PCDH15: variants seen among roughly 807,000 people sequenced by gnomAD.
PCDH15 encodes the protein protocadherin-15.
Under a neutral mutation model 178.5 loss-of-function variants are expected in PCDH15, and 129 were observed. That is an observed-to-expected ratio of 0.72 (90% CI 0.63 to 0.84). The LOEUF (loss-of-function observed/expected upper bound fraction) is 0.84. Ranked by LOEUF, PCDH15 falls within the 40% of genes least tolerant of loss-of-function variation. PCDH15 has a pLI of 0.00. For synonymous variants in PCDH15, 800 were observed against 732.0 expected, an observed-to-expected ratio of 1.09 and a Z score of -1.50; for missense variants, 2,230 against 2,099.9, an observed-to-expected ratio of 1.06 and a Z score of -1.21.
chr10:54,157,474 C>A (rs1052794965), intron 13 of PCDH15, among the ~76,000 whole-genome samples: 3 of 152,150 alleles, frequency 2.0e-5, no homozygotes, highest in Non-Finnish European at 4.4e-5. Context: ...CACAGGACAC[C>A]AAGTCCCTAG....
At chr10:55,587,679 A>G (rs1397443557) in intron 2 of PCDH15, among the ~76,000 whole-genome samples, 2 of 152,224 alleles carry the variant, frequency 1.3e-5, no homozygotes, top group Non-Finnish European at 2.9e-5. Flanking sequence ...AAGAATACAT[A>G]TTACAATGGT....
rs574318150 is a variant in PCDH15, at chr10:55,032,280, C to T, written c.-80+134296G>A. ...GTGGCAAAGGCTAGGCTGTCTGTGT[C>T]CTAGGACTTTGTGAAAGGCAGCACT... is the stretch of plus-strand genomic sequence containing the variant. On this transcript the variant is annotated intron_variant, in intron 2 of 5. Coordinates refer to the PCDH15 transcript ENST00000458638. Among the ~76,000 whole-genome samples the T allele has an allele frequency of 3.3e-5, 5 of 152,216 alleles. No individual in the cohort carries two copies. The South Asian group carries it at 1.0e-3, about 32-fold the overall frequency.
intron 17 of PCDH15, among the ~76,000 whole-genome samples, chr10:54,071,721 A>T (rs113324178): frequency 3.3e-4 from 51 of 152,252 alleles, no homozygotes; most frequent in Non-Finnish European, 5.9e-4. Context: ...GAATATTTCA[A>T]TTTGTTCATT....
At chr10:55,264,963 T>A (rs568333628) in intron 1 of PCDH15, among the ~76,000 whole-genome samples, 3 of 152,228 alleles carry the variant, frequency 2.0e-5, no homozygotes, top group East Asian at 3.9e-4. Flanking sequence ...GTTTGCTGTC[T>A]CAGGGAAGGC....
At chr10:54,860,331 ATTG>A (rs1166685852) in intron 3 of PCDH15, among the ~76,000 whole-genome samples, 2 of 151,946 alleles carry the variant, frequency 1.3e-5, no homozygotes, top group Admixed American at 1.3e-4. Context: ...CCCAGTGTCT[ATTG>A]TTCCCATCTT....
At position 54,864,170 on chromosome 10, in the gene PCDH15, T is replaced by C. The variant is rs187170775; in HGVS notation, c.-29+33280A>G. On this transcript the variant is annotated intron_variant, in intron 3 of 5. Transcript: ENST00000458638. ...GATATTTTCATACACTTGACATCTT[T>C]GGCATATATGGTGTAAACACATCAG... is the stretch of plus-strand genomic sequence containing the variant. Among the ~76,000 whole-genome samples, 78 of 152,268 alleles carry C rather than the reference T, an allele frequency of 5.1e-4. No individual in the cohort carries two copies. In the East Asian group the frequency reaches 0.011, roughly 22 times the overall value.
intron 2 of PCDH15, among the ~76,000 whole-genome samples, chr10:55,087,157 T>A (rs543531773): frequency 1.3e-5 from 2 of 152,270 alleles, no homozygotes; most frequent in South Asian, 4.1e-4. Context: ...ATGTGATTTT[T>A]ATATGGTGTG....
intron 8 of PCDH15, among the ~76,000 whole-genome samples, chr10:54,271,803 A>C (rs1490308439): frequency 6.6e-6 from 1 of 151,828 alleles, no homozygotes; most frequent in Non-Finnish European, 1.5e-5. Context: ...ATAACTCAGA[A>C]AAATAGAATA....
chr10:54,093,627 T>C (rs2094640671), intron 15 of PCDH15, among the ~76,000 whole-genome samples: 1 of 152,180 alleles, frequency 6.6e-6, no homozygotes. Context: ...TTTCTATATA[T>C]AAATCTAACC....
At chr10:54,767,239 A>G (rs1948622398) in intron 1 of PCDH15, among the ~76,000 whole-genome samples, 1 of 152,142 alleles carries the variant, frequency 6.6e-6, no homozygotes, top group Admixed American at 6.5e-5. Flanking sequence ...TTAAATATTC[A>G]AGAGGACTGG....
At chr10:53,870,875 G>A (rs768627069) in intron 26 of PCDH15, among the ~76,000 whole-genome samples, 4 of 152,028 alleles carry the variant, frequency 2.6e-5, no homozygotes, top group South Asian at 2.1e-4. Flanking sequence ...AATTCAGAGC[G>A]CAGTTTTAAA....
intron 2 of PCDH15, among the ~76,000 whole-genome samples, chr10:54,955,494 G>C (rs1347708195): frequency 6.6e-6 from 1 of 151,078 alleles, no homozygotes; most frequent in Non-Finnish European, 1.5e-5. Flanking sequence ...AAATAAAATA[G>C]TACCAATTGA....
At chr10:54,262,206 C>A (rs926758242) in intron 8 of PCDH15, among the ~76,000 whole-genome samples, 2 of 152,114 alleles carry the variant, frequency 1.3e-5, no homozygotes, top group Non-Finnish European at 2.9e-5. Flanking sequence ...GGTGCAGCTG[C>A]AGCAAAATGC....
chr10:54,593,999 A>T (rs2092051626), intron 2 of PCDH15, among the ~76,000 whole-genome samples: 1 of 151,940 alleles, frequency 6.6e-6, no homozygotes. Context: ...TAGAGAGAAG[A>T]TACAGAAGGT....
intron 2 of PCDH15, among the ~76,000 whole-genome samples, chr10:54,931,644 G>C (rs1175692659): frequency 6.6e-6 from 1 of 152,194 alleles, no homozygotes. Flanking sequence ...CTGCCTTTGA[G>C]ACAGAGAAAT....
intron 1 of PCDH15, among the ~76,000 whole-genome samples, chr10:54,778,940 G>A (rs1167845348): frequency 6.6e-6 from 1 of 152,030 alleles, no homozygotes; most frequent in Non-Finnish European, 1.5e-5. Context: ...AGGTAGAGTT[G>A]GGTTTCATTC....
At chr10:55,234,966 T>C (rs1841334902) in intron 1 of PCDH15, among the ~76,000 whole-genome samples, 1 of 151,976 alleles carries the variant, frequency 6.6e-6, no homozygotes, top group Admixed American at 6.6e-5. Context: ...TTTTCCAAAA[T>C]TTACAAAAAT....
At chr10:53,900,255 C>T (rs568530209) in intron 26 of PCDH15, among the ~76,000 whole-genome samples, 9 of 151,134 alleles carry the variant, frequency 6.0e-5, no homozygotes, top group Non-Finnish European at 1.2e-4. Flanking sequence ...CTGTCTGTCT[C>T]TCTCTCCCCT....
At chr10:54,752,522 A>AAAAAC in intron 1 of PCDH15, among the ~76,000 whole-genome samples, 1 of 74,436 alleles carries the variant, frequency 1.3e-5, no homozygotes, top group Non-Finnish European at 3.2e-5. Flanking sequence ...ACAAACAAAC[A>AAAAAC]AACAAACAAA....
Sources: allele counts gnomAD v4.1 joint callset (sites outside exome capture counted in the v4.1 genomes callset), GRCh38; gene constraint gnomAD v4.1.1; transcripts MANE v1.5; gene names NCBI Gene and HGNC (gene_info 2026-07-23, HGNC 2026-07-21).